The following GLIS3 variants were observed in gnomAD, a reference collection of about 807,000 sequenced individuals.
GLIS3 encodes the protein GLIS family zinc finger 3, also known as zinc finger protein GLIS3.
GLIS3 carries 53 observed loss-of-function variants against 78.6 expected under a neutral mutation model. The ratio of observed to expected loss-of-function variants is 0.67; its 90% CI spans 0.54 to 0.85. The LOEUF (loss-of-function observed/expected upper bound fraction) is 0.85, where lower values mean the gene tolerates loss of function less well. Ranked by LOEUF, GLIS3 falls within the 40% of genes least tolerant of loss-of-function variation. The pLI is 0.00. For synonymous variants in GLIS3, 684 were observed against 509.9 expected (o/e 1.34, Z -4.60); for missense variants, 1,703 against 1,231.1 (o/e 1.38, Z -5.74).
intron 2 of GLIS3, among the ~76,000 whole-genome samples, chr9:4,213,518 G>A (rs1417185272): frequency 6.6e-6 from 1 of 152,198 alleles, no homozygotes; most frequent in Non-Finnish European, 1.5e-5. Context: ...CTAACTACGT[G>A]TAAGCACTTG....
At chr9:4,096,052 A>G (rs887652893) in intron 4 of GLIS3, among the ~76,000 whole-genome samples, 6 of 152,082 alleles carry the variant, frequency 3.9e-5, no homozygotes, top group African/African-American at 1.4e-4. Flanking sequence ...TTTTGTCACA[A>G]TAGAAACACA....
intron 2 of GLIS3, among the ~76,000 whole-genome samples, chr9:4,249,439 G>A (rs1401470983): frequency 6.6e-6 from 1 of 152,156 alleles, no homozygotes; most frequent in Non-Finnish European, 1.5e-5. Flanking sequence ...TGGTGTATAG[G>A]AATGCTTGTG....
chr9:3,919,798 A>T (rs558497873), intron 6 of GLIS3, among the ~76,000 whole-genome samples: 1 of 152,048 alleles, frequency 6.6e-6, no homozygotes, highest in Non-Finnish European at 1.5e-5. Flanking sequence ...AGGCTCTACC[A>T]TCTCTAATAG....
intron 1 of GLIS3, among the ~76,000 whole-genome samples, chr9:4,294,923 A>T (rs1056034062): frequency 6.6e-6 from 1 of 152,196 alleles, no homozygotes; most frequent in African/African-American, 2.4e-5. Context: ...CACATCTATA[A>T]TTTACTGCCT....
At chr9:3,850,397 G>A (rs556153756) in intron 9 of GLIS3, among the ~76,000 whole-genome samples, 13 of 152,364 alleles carry the variant, frequency 8.5e-5, no homozygotes, top group African/African-American at 2.4e-4. Flanking sequence ...GGCTGAGGAC[G>A]TTTTTGTTCT....
chr9:4,353,289 A>G (rs897244513), upstream of GLIS3, among the ~76,000 whole-genome samples: 3 of 152,158 alleles, frequency 2.0e-5, no homozygotes, highest in African/African-American at 7.2e-5. Flanking sequence ...AACTCCTCAA[A>G]GACTCCACTG....
chr9:3,985,095 A>G (rs1029261114), intron 4 of GLIS3, among the ~76,000 whole-genome samples: 2 of 85,412 alleles, frequency 2.3e-5, no homozygotes, highest in African/African-American at 1.1e-4. Context: ...AGCTCAATTC[A>G]CAAAAAAAAA....
At chr9:4,212,556 A>G (rs913729914) in intron 2 of GLIS3, among the ~76,000 whole-genome samples, 2 of 152,230 alleles carry the variant, frequency 1.3e-5, no homozygotes, top group African/African-American at 4.8e-5. Context: ...GGTGGGGAAG[A>G]CACACATGGC....
the GLIS3 span, among the ~76,000 whole-genome samples, chr9:4,378,166 G>A: frequency 0.69 from 105,456 of 152,002 alleles, 36,782 homozygotes; most frequent in African/African-American, 0.73. Flanking sequence ...GCTCAATTAT[G>A]AAAGTAATTT....
chr9:3,932,836 C>G, intron 5 of GLIS3: 1 of 431,954 alleles, frequency 2.3e-6, no homozygotes, highest in South Asian at 1.6e-5. Context: ...CTGTCAGAAA[C>G]TAGTAAACAC....
intron 7 of GLIS3, among the ~76,000 whole-genome samples, chr9:3,891,833 TGCATC>T (rs1156863288): frequency 2.6e-5 from 4 of 152,184 alleles, no homozygotes; most frequent in African/African-American, 7.2e-5. Flanking sequence ...GGGTAGCTGA[TGCATC>T]GCATCTTTCA....
chr9:4,132,310 G>A lies in GLIS3; in HGVS notation c.389-6369C>T, dbSNP rs571493097. Reference sequence around the variant, plus strand: ...CTGTATGCTAGTAGGGAATGCAAACGTTTTGCATTTTCAAATTTCTGAACC... The same window carrying A: ...CTGTATGCTAGTAGGGAATGCAAACATTTTGCATTTTCAAATTTCTGAACC... On this transcript the variant is annotated intron_variant, in intron 2 of 10. Transcript: ENST00000381971. Among the ~76,000 whole-genome samples the A allele has an allele frequency of 5.3e-5, 8 of 152,242 alleles. No homozygotes were observed. In the East Asian group the frequency reaches 1.5e-3, roughly 29 times the overall value.
intron 4 of GLIS3, among the ~76,000 whole-genome samples, chr9:4,090,259 C>T (rs1588646617): frequency 1.3e-5 from 2 of 152,132 alleles, no homozygotes; most frequent in East Asian, 3.8e-4. Context: ...TGCCTTCCTG[C>T]CTACAGCCCA....
chr9:3,898,759 G>C lies in GLIS3; in HGVS notation c.2060C>G (p.Ser687Cys). The C allele has an allele frequency of 6.2e-7, 1 of 1,614,186 alleles. No homozygotes were observed. Among genetic ancestry groups the C allele is most frequent in the Non-Finnish European group, 8.5e-7 (1 of 1,180,020 alleles). ...CCCTTCAGCAGCAGCATCTCTAGGG[G>C]AAGTGGCCGGCTGCAGGGACTGCAC... ...LTVQSLQPAT[S>C]PRDAAAEGTV... Residue 687 changes from serine (S) to cysteine (C), a missense_variant, in exon 7 of 11, where the codon TCC (serine) becomes TGC (cysteine). By Grantham distance (112) the Ser-to-Cys change is moderately radical. Coordinates refer to ENST00000381971, the MANE Select transcript of GLIS3 (RefSeq NM_001042413.2).
At chr9:4,056,414 GT>G (rs1826160310) in intron 4 of GLIS3, among the ~76,000 whole-genome samples, 1 of 152,168 alleles carries the variant, frequency 6.6e-6, no homozygotes, top group South Asian at 2.1e-4. Flanking sequence ...TGCTCACAGG[GT>G]TTCCTTTAAG....
chr9:4,192,223 A>G (rs1818394092), intron 2 of GLIS3, among the ~76,000 whole-genome samples: 1 of 152,180 alleles, frequency 6.6e-6, no homozygotes, highest in South Asian at 2.1e-4. Flanking sequence ...ACCAGCATTC[A>G]GTTTTGTTTC....
intron 2 of GLIS3, among the ~76,000 whole-genome samples, chr9:4,235,193 G>A (rs771346473): frequency 2.0e-5 from 3 of 151,828 alleles, no homozygotes; most frequent in East Asian, 1.9e-4. Flanking sequence ...CAGCTACTCC[G>A]GAGGCTGAGG....
the GLIS3 span, among the ~76,000 whole-genome samples, chr9:4,390,352 T>G: frequency 6.6e-6 from 1 of 152,208 alleles, no homozygotes; most frequent in Non-Finnish European, 1.5e-5. Context: ...TTTTTATATA[T>G]TACGTACTTG....
At chr9:4,332,421 C>G (rs1010287804) in intron 2 of GLIS3, among the ~76,000 whole-genome samples, 22 of 152,212 alleles carry the variant, frequency 1.4e-4, no homozygotes, top group African/African-American at 4.8e-4. Context: ...TCCCTGCCTT[C>G]CTTATAGCTG....
Sources: allele counts gnomAD v4.1 joint callset (sites outside exome capture counted in the v4.1 genomes callset), GRCh38; gene constraint gnomAD v4.1.1; transcripts MANE v1.5; gene names NCBI Gene and HGNC (gene_info 2026-07-23, HGNC 2026-07-21).